Variants in ZP3 observed in about 807,000 individuals in gnomAD.
ZP3 encodes the protein zona pellucida sperm-binding protein 3.
Under a neutral mutation model 35.6 loss-of-function variants are expected in ZP3, and 21 were observed. The observed-to-expected ratio is 0.59, with a 90% CI of 0.42 to 0.85. The LOEUF (loss-of-function observed/expected upper bound fraction) is 0.85. ZP3 is among the 40% of genes least tolerant of loss of function. The pLI, the probability that ZP3 is intolerant of heterozygous loss-of-function variation, is 0.00. For synonymous variants in ZP3, 207 were observed against 214.5 expected (o/e 0.96, Z 0.31); for missense variants, 437 against 536.5 (o/e 0.81, Z 1.83).
At chr7:76,419,490 T>C (rs1805454205) in intron 1 of ZP3, among the ~76,000 whole-genome samples, 1 of 152,172 alleles carries the variant, frequency 6.6e-6, no homozygotes, top group South Asian at 2.1e-4. Context: ...CTAGGCTCTC[T>C]CATCTATTCC....
chr7:76,423,019 G>GAA (rs1805545741), upstream of ZP3, among the ~76,000 whole-genome samples: 3 of 93,040 alleles, frequency 3.2e-5, no homozygotes, highest in Admixed American at 1.2e-4. Context: ...GAGAGAGAGA[G>GAA]AGAGAGAGAA....
intron 1 of ZP3, among the ~76,000 whole-genome samples, chr7:76,403,568 C>T (rs1044464784): frequency 3.3e-5 from 5 of 150,982 alleles, no homozygotes; most frequent in African/African-American, 1.2e-4. Flanking sequence ...GAACTCCTGA[C>T]CTCATGATCC....
In ZP3 at chr7:76,434,107, C is replaced by G. The variant is rs372269444; in HGVS notation, c.783C>G (p.Leu261=). The change falls in exon 5 of 8, where the codon CTC becomes CTG. Residue 261 remains leucine, a synonymous_variant. Coordinates refer to ENST00000394857, the MANE Select transcript of ZP3 (RefSeq NM_001110354.2). The stretch of plus-strand genomic sequence containing the variant: ...TTCCTCGACCCGGGCCAGATACACT[C>G]CAGTTCACAGTGGATGTCTTCCACT... ...FKVPRPGPDT[L]QFTVDVFHFA... 7.9e-6 allele frequency: 11 copies of G among 1,397,098 alleles called. No homozygotes were observed. The highest frequency in any genetic ancestry group is 4.8e-5 in the East Asian group (2 of 41,982). The allele number at this position is 1,397,098 out of a possible 1,614,324, so 86.5% of individuals were successfully genotyped here. A position where few individuals can be genotyped will look rare whatever the true frequency, so the allele number is the denominator to read the frequency against.
chr7:76,434,604 C>T (rs1403937603), intron 5 of ZP3, among the ~76,000 whole-genome samples: 79 of 138,284 alleles, frequency 5.7e-4, no homozygotes, highest in African/African-American at 1.8e-3. Context: ...TGCCACTGCA[C>T]CTCCAGCCTG....
chr7:76,423,487 G>A (rs1303656853), upstream of ZP3, among the ~76,000 whole-genome samples: 1 of 152,140 alleles, frequency 6.6e-6, no homozygotes, highest in Non-Finnish European at 1.5e-5. Flanking sequence ...CCTGAGGTGG[G>A]ACACTCCACA....
chr7:76,428,049 A>G (rs1412374746), intron 1 of ZP3, among the ~76,000 whole-genome samples: 1 of 151,140 alleles, frequency 6.6e-6, no homozygotes, highest in Non-Finnish European at 1.5e-5. Context: ...TTGGGGGTTG[A>G]GTCATGGTGG....
intron 1 of ZP3, among the ~76,000 whole-genome samples, chr7:76,405,306 TATA>T (rs1804972388): frequency 1.6e-5 from 1 of 63,120 alleles, no homozygotes; most frequent in African/African-American, 7.1e-5. Flanking sequence ...TATATATATA[TATA>T]TATATATGTA....
chr7:76,407,480 T>C (rs978215939), intron 1 of ZP3, among the ~76,000 whole-genome samples: 1 of 149,864 alleles, frequency 6.7e-6, no homozygotes, highest in Non-Finnish European at 1.5e-5. Context: ...TACAGGCGGG[T>C]ATCACCACGC....
chr7:76,425,981 G>T (rs1471470090), intron 1 of ZP3, among the ~76,000 whole-genome samples: 2 of 152,124 alleles, frequency 1.3e-5, no homozygotes, highest in South Asian at 4.1e-4. Context: ...TACTCAGGAG[G>T]CTGAGGCAGG....
intron 1 of ZP3, among the ~76,000 whole-genome samples, chr7:76,401,779 A>G (rs1478225392): frequency 6.6e-6 from 1 of 152,182 alleles, no homozygotes; most frequent in African/African-American, 2.4e-5. Context: ...TGGAGCCCTC[A>G]GCTAGAAGTG....
At chr7:76,411,210 T>C (rs7799638) in intron 1 of ZP3, among the ~76,000 whole-genome samples, 26,060 of 151,792 alleles carry the variant, frequency 0.17, 4,351 homozygotes, top group African/African-American at 0.43. Context: ...CTGTCTTCCA[T>C]GTTCAGCTGC....
At chr7:76,438,557 A>AAAAAAG (rs759616662) in intron 5 of ZP3, among the ~76,000 whole-genome samples, 2 of 143,912 alleles carry the variant, frequency 1.4e-5, no homozygotes, top group African/African-American at 5.3e-5. Context: ...AAAAAAAAAA[A>AAAAAAG]GGGTAGCGGG....
At chr7:76,435,695 A>T (rs1302296791) in intron 5 of ZP3, among the ~76,000 whole-genome samples, 3 of 151,402 alleles carry the variant, frequency 2.0e-5, no homozygotes, top group Admixed American at 2.0e-4. Flanking sequence ...AACTCCATGA[A>T]CTTCAGTGTG....
At chr7:76,397,931 G>T in intron 1 of ZP3, 1 of 1,231,954 alleles carries the variant, frequency 8.1e-7, no homozygotes, top group South Asian at 1.6e-5. Context: ...ACAACCCTTG[G>T]GCATCTGCTC....
intron 1 of ZP3, among the ~76,000 whole-genome samples, chr7:76,411,696 T>C (rs1253252102): frequency 1.3e-5 from 2 of 152,174 alleles, no homozygotes; most frequent in African/African-American, 2.4e-5. Flanking sequence ...ACATTGCTGA[T>C]GGGAATGTAA....
chr7:76,437,171 CTTTTTT>C (rs869115807), intron 5 of ZP3, among the ~76,000 whole-genome samples: 73 of 78,682 alleles, frequency 9.3e-4, no homozygotes, highest in African/African-American at 3.0e-3. Flanking sequence ...ACCCTGTGTA[CTTTTTT>C]TTTTTTTTTT....
chr7:76,409,846 A>G (rs954333156), intron 1 of ZP3, among the ~76,000 whole-genome samples: 84 of 150,696 alleles, frequency 5.6e-4, no homozygotes, highest in African/African-American at 1.8e-3. Context: ...AGGGCAGCCA[A>G]GCATCCTGAT....
At chr7:76,433,109 T>TG in intron 3 of ZP3, 79 bp downstream of exon 3, 1 of 1,258,158 alleles carries the variant, frequency 7.9e-7, no homozygotes, top group South Asian at 1.3e-5. Flanking sequence ...TGTGTCTTTT[T>TG]TTTGTTTGTT....
In ZP3 at chr7:76,433,623, A is replaced by T; in HGVS notation, c.689A>T (p.Tyr230Phe). The T allele has an allele frequency of 6.2e-7, 1 of 1,611,626 alleles. No homozygotes were observed. The highest frequency in any genetic ancestry group is 8.5e-7 in the Non-Finnish European group (1 of 1,178,434). ...ACACCAGACCAGAATGCCTCCCCTT[A>T]TCACACCATCGTGGACTTCCATGGG... ...TPTPDQNASP[Y>F]HTIVDFHGCL... The change falls in exon 4 of 8, where the codon TAT becomes TTT. Residue 230 changes from tyrosine to phenylalanine, a missense_variant. This residue lies in a region of ZP3 where 352 missense variants were observed against 308.4 expected (regional missense o/e 1.14). Coordinates refer to ENST00000394857, the MANE Select transcript of ZP3 (RefSeq NM_001110354.2).
Sources: allele counts gnomAD v4.1 joint callset (sites outside exome capture counted in the v4.1 genomes callset), GRCh38; gene constraint gnomAD v4.1.1; regional missense constraint gnomAD v4.1.1; transcripts MANE v1.5; gene names NCBI Gene and HGNC (gene_info 2026-07-23, HGNC 2026-07-21).